C9orf85: variants seen among roughly 807,000 people sequenced by gnomAD.
C9orf85 encodes the protein chromosome 9 open reading frame 85.
C9orf85 carries 16 observed loss-of-function variants against 14.9 expected under a neutral mutation model. The observed-to-expected ratio is 1.08, with a 90% CI of 0.73 to 1.63. The LOEUF is 1.63. C9orf85 is among the 40% of genes most tolerant of loss of function. The pLI, the probability that C9orf85 is intolerant of heterozygous loss-of-function variation, is 0.00. For synonymous variants in C9orf85, 45 were observed against 56.8 expected (o/e 0.79, Z 0.93); for missense variants, 172 against 186.1 (o/e 0.92, Z 0.44).
rs1198199991 is a variant in C9orf85, at chr9:71,971,550, G to A, written c.255G>A (p.Met85Ile). The change falls in exon 3 of 4, where the codon ATG (methionine) becomes ATA (isoleucine). Residue 85 changes from methionine to isoleucine, a missense_variant. Transcript: ENST00000334731. Reference sequence around the variant, plus strand: ...CAGTGAAGGATTCTTATCACATAATGTGCAGGCCATGTGCCTGTGAACTTG... The same window carrying A: ...CAGTGAAGGATTCTTATCACATAATATGCAGGCCATGTGCCTGTGAACTTG... ...QKTVKDSYHI[M>I]CRPCACELEV... 10 of 1,612,352 alleles carry A rather than the reference G, an allele frequency of 6.2e-6. No homozygotes were observed. The highest frequency in any genetic ancestry group is 7.6e-6 in the Non-Finnish European group (9 of 1,179,148).
At chr9:71,923,721 A>G (rs1827867858) in intron 1 of C9orf85, among the ~76,000 whole-genome samples, 1 of 152,200 alleles carries the variant, frequency 6.6e-6, no homozygotes, top group Non-Finnish European at 1.5e-5. Flanking sequence ...CCACCACCAC[A>G]TCTATCAAAC....
downstream of C9orf85, among the ~76,000 whole-genome samples, chr9:71,976,843 G>A: frequency 6.6e-6 from 1 of 151,602 alleles, no homozygotes; most frequent in East Asian, 1.9e-4. Flanking sequence ...CTAGAATATA[G>A]TACCCCCGTT....
At chr9:71,948,499 C>A (rs1822158114) in intron 2 of C9orf85, among the ~76,000 whole-genome samples, 1 of 151,812 alleles carries the variant, frequency 6.6e-6, no homozygotes, top group African/African-American at 2.4e-5. Flanking sequence ...GTTGACCCCC[C>A]TTTTGTTTTA....
In C9orf85 at chr9:71,971,426, A is replaced by G. The variant is rs910141907; in HGVS notation, c.210-79A>G. ...TTTTGATTTCTTAGGCTTTTTAACT[A>G]TACATTTAGACACATCTTATTTTAT... On this transcript the variant is annotated intron_variant, in intron 2 of 3. Transcript: ENST00000334731. 4 of 765,698 alleles carry G rather than the reference A, an allele frequency of 5.2e-6. No homozygotes were observed. The African/African-American group carries it at 5.5e-5, about 11-fold the overall frequency. The allele number at this position is 765,698 out of a possible 1,614,324, so 47.4% of individuals were successfully genotyped here.
At chr9:71,934,888 G>A (rs1157883632) in intron 1 of C9orf85, among the ~76,000 whole-genome samples, 2 of 152,042 alleles carry the variant, frequency 1.3e-5, no homozygotes, top group African/African-American at 2.4e-5. Flanking sequence ...ATATATATAT[G>A]CAGAATATAT....
intron 2 of C9orf85, among the ~76,000 whole-genome samples, chr9:71,963,764 G>A (rs979458690): frequency 1.6e-4 from 25 of 152,324 alleles, no homozygotes; most frequent in Admixed American, 5.9e-4. Flanking sequence ...CCGGGCCTTA[G>A]CTGCCTTCCT....
chr9:71,972,827 C>A lies in C9orf85; in HGVS notation c.459C>A (p.Asp153Glu). The change falls in exon 4 of 4, where the codon GAC becomes GAA. Residue 153 changes from aspartate to glutamate, a missense_variant. Coordinates refer to ENST00000334731, the MANE Select transcript of C9orf85 (RefSeq NM_182505.5). ...FDIDLEDTGG[D>E]HQMN Reference sequence around the variant, plus strand: ...TTGATTTAGAAGACACAGGAGGAGACCATCAAATGAATTAATATCACTGTA... The same window carrying A: ...TTGATTTAGAAGACACAGGAGGAGAACATCAAATGAATTAATATCACTGTA... The A allele has an allele frequency of 6.2e-7, 1 of 1,606,128 alleles. No individual in the cohort carries two copies. Among genetic ancestry groups the A allele is most frequent in the South Asian group, 1.1e-5 (1 of 89,998 alleles).
At chr9:71,928,778 G>C (rs919328469) in intron 1 of C9orf85, among the ~76,000 whole-genome samples, 3 of 152,096 alleles carry the variant, frequency 2.0e-5, no homozygotes, top group Admixed American at 6.5e-5. Flanking sequence ...TTCAGATACA[G>C]CAAAAGTATG....
chr9:71,976,846 C>A (rs1045280073), downstream of C9orf85, among the ~76,000 whole-genome samples: 14 of 151,858 alleles, frequency 9.2e-5, no homozygotes, highest in Admixed American at 8.5e-4. Context: ...GAATATAGTA[C>A]CCCCGTTGTC....
intron 1 of C9orf85, among the ~76,000 whole-genome samples, chr9:71,946,698 CAGG>C (rs1822095910): frequency 6.6e-6 from 1 of 151,418 alleles, no homozygotes. Context: ...GAGGCTGAGG[CAGG>C]AGTATTGCTT....
intron 1 of C9orf85, among the ~76,000 whole-genome samples, chr9:71,925,713 G>C (rs753942148): frequency 5.3e-5 from 8 of 152,174 alleles, no homozygotes; most frequent in Non-Finnish European, 1.0e-4. Context: ...TTATCTATAA[G>C]AAATGAACAA....
At chr9:71,975,301 G>A (rs1350517512), downstream of C9orf85, among the ~76,000 whole-genome samples, 1 of 151,768 alleles carries the variant, frequency 6.6e-6, no homozygotes, top group African/African-American at 2.4e-5. Flanking sequence ...AAAACTAGCC[G>A]GGTGTGGTAG....
chr9:71,947,237 C>G (rs901822464), intron 2 of C9orf85, 125 bp downstream of exon 2: 2 of 633,632 alleles, frequency 3.2e-6, no homozygotes, highest in Non-Finnish European at 5.2e-6. Flanking sequence ...ATTCCATTCT[C>G]CCCTGTAGAA....
chr9:71,926,638 A>G lies in C9orf85; in HGVS notation c.102+14802A>G, dbSNP rs1424788600. On this transcript the variant is annotated intron_variant, in intron 1 of 3. Transcript: ENST00000334731. ...AAACCAGCAAACACTGCTGTTGAAA[A>G]AAAAAAAAAAAAAAAGAATCCTGTG... 4.1e-5 allele frequency among the ~76,000 whole-genome samples: 6 copies of G among 147,078 alleles called. 1 individual carries two copies. Among genetic ancestry groups the G allele is most frequent in the Admixed American group, 1.4e-4 (2 of 14,724 alleles).
At chr9:71,954,342 G>T (rs1822328013) in intron 2 of C9orf85, among the ~76,000 whole-genome samples, 1 of 151,876 alleles carries the variant, frequency 6.6e-6, no homozygotes, top group Admixed American at 6.6e-5. Flanking sequence ...AATGAGATGG[G>T]GGACTGAGAT....
intron 3 of C9orf85, among the ~76,000 whole-genome samples, chr9:71,980,362 T>A (rs563799252): frequency 6.6e-6 from 1 of 152,244 alleles, no homozygotes; most frequent in African/African-American, 2.4e-5. Context: ...TTTGCCATTA[T>A]GAAGAAAAAT....
rs188746101 is a variant in C9orf85, at chr9:71,958,460, A to T, written c.209+11348A>T. ...TATTTTTAGTAGAGACAGGGTTTCT[A>T]CATGTTGGTCAGGCTGGTCTCGAAC... On this transcript the variant is annotated intron_variant, in intron 2 of 3. Transcript: ENST00000334731. Among the ~76,000 whole-genome samples, 34 of 151,654 alleles carry T rather than the reference A, an allele frequency of 2.2e-4. No individual in the cohort carries two copies. In the East Asian group the frequency reaches 5.4e-3, roughly 24 times the overall value.
chr9:71,922,316 C>G (rs551482581), intron 1 of C9orf85, among the ~76,000 whole-genome samples: 3 of 152,084 alleles, frequency 2.0e-5, no homozygotes, highest in Non-Finnish European at 4.4e-5. Flanking sequence ...TACCCTAACC[C>G]GATGCAATTT....
At chr9:71,972,629 A>G in intron 3 of C9orf85, 63 bp from the exon 4 acceptor site, 2 of 1,269,068 alleles carry the variant, frequency 1.6e-6, no homozygotes, top group Non-Finnish European at 2.2e-6. Context: ...AAGTCTTTTC[A>G]ATCTACATGG....
Sources: allele counts gnomAD v4.1 joint callset (sites outside exome capture counted in the v4.1 genomes callset), GRCh38; gene constraint gnomAD v4.1.1; transcripts MANE v1.5; gene names NCBI Gene and HGNC (gene_info 2026-07-23, HGNC 2026-07-21).